The following MAP1B variants were observed in gnomAD, a reference collection of about 807,000 sequenced individuals.
The protein encoded by MAP1B is microtubule-associated protein 1B.
A neutral mutation model predicts 176.1 loss-of-function variants in MAP1B; 12 were observed. That is an observed-to-expected ratio of 0.07 (90% CI 0.04 to 0.11). The LOEUF (loss-of-function observed/expected upper bound fraction) is 0.11. MAP1B is among the 10% of genes least tolerant of loss of function. The pLI, the probability that MAP1B is intolerant of heterozygous loss-of-function variation, is 1.00. For missense variants in MAP1B, 2,523 were observed against 2,990.5 expected, an observed-to-expected ratio of 0.84 and a Z score of 3.65; for synonymous variants, 1,044 against 1,135.0, an observed-to-expected ratio of 0.92 and a Z score of 1.61.
rs1411986813 is a variant in MAP1B at position 72,195,362 on chromosome 5, CAAG to C, written c.2011_2013del (p.Lys671del). ...CTAAAAAGGAGGACAAAACACCTAT[CAAG>C]AAGGAGGAAAAACCAAAAAAGGAAG... On this transcript the variant is annotated inframe_deletion, in exon 5 of 7. Coordinates refer to ENST00000296755, the MANE Select transcript of MAP1B (RefSeq NM_005909.5). 4 of 1,577,932 alleles carry C rather than the reference CAAG, an allele frequency of 2.5e-6. No individual in the cohort carries two copies. Among genetic ancestry groups the C allele is most frequent in the Non-Finnish European group, 3.4e-6 (4 of 1,166,878 alleles).
Position 72,196,568 on chromosome 5 carries a change from A to G in MAP1B, c.3213A>G (p.Gln1071=). The G allele has an allele frequency of 6.2e-7, 1 of 1,613,834 alleles. No individual in the cohort carries two copies. Among genetic ancestry groups the G allele is most frequent in the Non-Finnish European group, 8.5e-7 (1 of 1,180,024 alleles). The change falls in exon 5 of 7, where the codon CAA becomes CAG. Residue 1071 remains glutamine (Q), a synonymous_variant. Coordinates refer to ENST00000296755, the MANE Select transcript of MAP1B (RefSeq NM_005909.5). This position sits in a 1 kb window ranked among gnomAD's most constrained non-coding sequence, Gnocchi z 5.3. Reference sequence around the variant, plus strand: ...GATTCCTCACCACACCAACCAAGCAACTAGGAGCCCAGTCTCCTGGCCGAG... The same window carrying G: ...GATTCCTCACCACACCAACCAAGCAGCTAGGAGCCCAGTCTCCTGGCCGAG... ...QYGFLTTPTK[Q]LGAQSPGREP... is the part of the protein sequence containing the mutation.
At chr5:72,123,667 G>A (rs1745571067) in intron 2 of MAP1B, among the ~76,000 whole-genome samples, 1 of 152,054 alleles carries the variant, frequency 6.6e-6, no homozygotes, top group Non-Finnish European at 1.5e-5. Flanking sequence ...TGTATTTTTA[G>A]TAGAGACAGG....
chr5:72,125,960 T>A (rs2112134408), intron 2 of MAP1B, among the ~76,000 whole-genome samples: 1 of 152,118 alleles, frequency 6.6e-6, no homozygotes, highest in Non-Finnish European at 1.5e-5. Flanking sequence ...ATTGTCTTTA[T>A]CTTTGAGTGC....
At chr5:72,203,894 T>C in intron 6 of MAP1B, 93 bp downstream of exon 6, 1 of 1,161,382 alleles carries the variant, frequency 8.6e-7, no homozygotes, top group Non-Finnish European at 1.2e-6. Context: ...CTCATGTGGC[T>C]GATCGTGGAT....
intron 2 of MAP1B, chr5:72,179,845 G>C: frequency 1.0e-6 from 1 of 985,510 alleles, no homozygotes; most frequent in Non-Finnish European, 1.2e-6. Flanking sequence ...ATGGACAAAA[G>C]AGAACATCGT....
intron 2 of MAP1B, among the ~76,000 whole-genome samples, chr5:72,168,121 C>G (rs956979464): frequency 1.3e-5 from 2 of 152,224 alleles, no homozygotes; most frequent in Non-Finnish European, 2.9e-5. Flanking sequence ...CCTTTCCAAT[C>G]CTTAACTTTG....
chr5:72,196,439 T>G lies in MAP1B; in HGVS notation c.3084T>G (p.Asp1028Glu), dbSNP rs1428069376. 1.2e-6 allele frequency: 2 copies of G among 1,613,760 alleles called. No individual in the cohort carries two copies. The highest frequency in any genetic ancestry group is 8.5e-7 in the Non-Finnish European group (1 of 1,179,998). ...CTGATGAGGAGGACAAAGCTGAAGA[T>G]GCCAGAGAGGAGGAATATGAGCCGG... ...EEADEEDKAE[D>E]AREEEYEPEK... The change falls in exon 5 of 7, where the codon GAT becomes GAG. Residue 1028 changes from aspartate (D) to glutamate (E), a missense_variant. Coordinates refer to ENST00000296755, the MANE Select transcript of MAP1B (RefSeq NM_005909.5). The surrounding 1 kb of genome is among the most constrained non-coding windows in gnomAD (Gnocchi z 5.3).
At chr5:72,164,087 T>C (rs1198421860) in intron 2 of MAP1B, among the ~76,000 whole-genome samples, 1 of 151,832 alleles carries the variant, frequency 6.6e-6, no homozygotes, top group Admixed American at 6.6e-5. Flanking sequence ...TTGGGACATG[T>C]ACCACCACAC....
intron 2 of MAP1B, among the ~76,000 whole-genome samples, chr5:72,153,853 CAA>C (rs1168095016): frequency 1.3e-5 from 2 of 151,998 alleles, no homozygotes; most frequent in Non-Finnish European, 2.9e-5. Context: ...CAGTGTTGCA[CAA>C]AGACATTCCC....
chr5:72,173,436 T>C (rs1270454547), intron 2 of MAP1B, among the ~76,000 whole-genome samples: 1 of 152,222 alleles, frequency 6.6e-6, no homozygotes, highest in East Asian at 1.9e-4. Flanking sequence ...GTAATTCACA[T>C]TGTTTTAACA....
chr5:72,176,776 T>C (rs1746661068), intron 2 of MAP1B, among the ~76,000 whole-genome samples: 1 of 152,208 alleles, frequency 6.6e-6, no homozygotes, highest in Non-Finnish European at 1.5e-5. Context: ...GAATTATGCT[T>C]TTGCCACCTT....
chr5:72,124,280 G>GT (rs1279580426), intron 2 of MAP1B, among the ~76,000 whole-genome samples: 4 of 152,190 alleles, frequency 2.6e-5, no homozygotes, highest in African/African-American at 7.2e-5. Flanking sequence ...ACGTGAGAAA[G>GT]TAAGAGGTAC....
At chr5:72,180,075 T>A (rs1053621148) in intron 2 of MAP1B, among the ~76,000 whole-genome samples, 32 of 152,150 alleles carry the variant, frequency 2.1e-4, no homozygotes, top group African/African-American at 7.5e-4. Flanking sequence ...AGGTGGACTG[T>A]GCAGGCTGCT....
At chr5:72,188,349 G>A (rs1746958018) in intron 4 of MAP1B, among the ~76,000 whole-genome samples, 1 of 152,198 alleles carries the variant, frequency 6.6e-6, no homozygotes, top group South Asian at 2.1e-4. Context: ...GCTGCAGAAG[G>A]CTGGAAGTGG....
chr5:72,141,029 G>A (rs1056751348), intron 2 of MAP1B, among the ~76,000 whole-genome samples: 5 of 152,042 alleles, frequency 3.3e-5, no homozygotes, highest in Non-Finnish European at 5.9e-5. Flanking sequence ...AGCCTCCCAC[G>A]TTCACACGAC....
intron 6 of MAP1B, 86 bp downstream of exon 6, chr5:72,203,887 A>C: frequency 6.4e-6 from 8 of 1,248,216 alleles, no homozygotes; most frequent in Non-Finnish European, 9.2e-6. Context: ...GAGGCACCTC[A>C]TGTGGCTGAT....
At chr5:72,124,481 G>A (rs1214296688) in intron 2 of MAP1B, among the ~76,000 whole-genome samples, 1 of 152,208 alleles carries the variant, frequency 6.6e-6, no homozygotes, top group Non-Finnish European at 1.5e-5. Context: ...TAAGTAATTA[G>A]GAATGAAAAT....
chr5:72,185,651 A>T (rs1462314768), intron 3 of MAP1B, among the ~76,000 whole-genome samples: 1 of 152,190 alleles, frequency 6.6e-6, no homozygotes, highest in Non-Finnish European at 1.5e-5. Context: ...ATGTCCAGGC[A>T]AACTGCCCGG....
In MAP1B at chr5:72,198,643, C is replaced by T; in HGVS notation, c.5288C>T (p.Ala1763Val). ...VAPPRDMSLYASLTSEKVQSL... is the reference protein window; with the variant it reads ...VAPPRDMSLYVSLTSEKVQSL... ...CCTCCCAGAGATATGTCCTTATATG[C>T]CTCACTCACCTCTGAAAAAGTGCAA... Residue 1763 changes from alanine to valine, a missense_variant, in exon 5 of 7, where the codon GCC (alanine) becomes GTC (valine). Coordinates refer to ENST00000296755, the MANE Select transcript of MAP1B (RefSeq NM_005909.5). 6.2e-7 allele frequency: 1 copy of T among 1,614,164 alleles called. No individual in the cohort carries two copies. The highest frequency in any genetic ancestry group is 8.5e-7 in the Non-Finnish European group (1 of 1,180,026).
Sources: allele counts gnomAD v4.1 joint callset (sites outside exome capture counted in the v4.1 genomes callset), GRCh38; gene constraint gnomAD v4.1.1; non-coding constraint Gnocchi (gnomAD v3.1); transcripts MANE v1.5; gene names NCBI Gene and HGNC (gene_info 2026-07-23, HGNC 2026-07-21).